APOO: variants seen among roughly 807,000 people sequenced by gnomAD.
APOO encodes MICOS complex subunit MIC26.
APOO carries 11 observed loss-of-function variants against 23.1 expected under a neutral mutation model. That is an observed-to-expected ratio of 0.48 (90% CI 0.30 to 0.79). The LOEUF (loss-of-function observed/expected upper bound fraction) is 0.79, where lower values mean the gene tolerates loss of function less well. Among genes scored for constraint, APOO ranks in the 30% least tolerant of loss-of-function variants. The pLI, the probability that APOO is intolerant of heterozygous loss-of-function variation, is 0.07. For synonymous variants in APOO, 59 were observed against 54.8 expected, an observed-to-expected ratio of 1.08 and a Z score of -0.34; for missense variants, 160 against 142.7, an observed-to-expected ratio of 1.12 and a Z score of -0.62.
intron 8 of APOO, among the ~76,000 whole-genome samples, chrX:23,839,085 A>G (rs751252060): frequency 3.8e-4 from 43 of 111,966 alleles, no homozygotes; most frequent in Admixed American, 9.5e-4. Context: ...CATCCCATGC[A>G]TATCTGGCCC....
intron 1 of APOO, among the ~76,000 whole-genome samples, chrX:23,893,705 A>G (rs1926773527): frequency 4.5e-5 from 5 of 110,688 alleles, no homozygotes; most frequent in Admixed American, 1.9e-4. Context: ...AGTAGCTGGA[A>G]TAATAGGTGC....
At chrX:23,895,093 C>T (rs982470683) in intron 1 of APOO, among the ~76,000 whole-genome samples, 1 of 108,968 alleles carries the variant, frequency 9.2e-6, no homozygotes, top group Non-Finnish European at 1.9e-5. Context: ...GGGCCGAGAT[C>T]GCACCACTGC....
rs141648475 is a variant in APOO at position 23,842,870 on chromosome X, T to C, written c.562-2493A>G. Among the ~76,000 whole-genome samples the C allele has an allele frequency of 4.5e-5, 5 of 111,415 alleles. No homozygotes were observed. In the East Asian group the frequency reaches 1.4e-3, roughly 32 times the overall value. On this transcript the variant is annotated intron_variant, in intron 7 of 8. Coordinates refer to ENST00000379226, the MANE Select transcript of APOO (RefSeq NM_024122.5). Reference sequence around the variant, plus strand: ...CTAAAAATACAAAATTAGCAGGGCATGGTGGCGCATGCCTGTAATCCCAGC... The same window carrying C: ...CTAAAAATACAAAATTAGCAGGGCACGGTGGCGCATGCCTGTAATCCCAGC...
chrX:23,861,468 T>C (rs1925025047), intron 5 of APOO, among the ~76,000 whole-genome samples: 2 of 103,193 alleles, frequency 1.9e-5, no homozygotes. Context: ...GTGAGCCAAC[T>C]AAACCTCTTT....
At chrX:23,839,150 G>A (rs946721877) in intron 8 of APOO, among the ~76,000 whole-genome samples, 2 of 111,791 alleles carry the variant, frequency 1.8e-5, no homozygotes, top group Admixed American at 9.6e-5. Context: ...CAAGCTCCCC[G>A]GGTAATAGTT....
intron 1 of APOO, among the ~76,000 whole-genome samples, chrX:23,888,780 G>A (rs763302453): frequency 1.0e-3 from 106 of 105,174 alleles, no homozygotes; most frequent in Non-Finnish European, 1.5e-3. Flanking sequence ...AACCTGGAAG[G>A]TGGAGGTTGC....
intron 4 of APOO, among the ~76,000 whole-genome samples, chrX:23,871,741 G>A (rs766323271): frequency 8.9e-5 from 10 of 111,834 alleles, no homozygotes; most frequent in African/African-American, 2.9e-4. Flanking sequence ...TATATTACAC[G>A]CATCTCAGTG....
At chrX:23,901,819 TA>T (rs971456579) in intron 1 of APOO, among the ~76,000 whole-genome samples, 1 of 112,374 alleles carries the variant, frequency 8.9e-6, no homozygotes, top group African/African-American at 3.2e-5. Flanking sequence ...ATCCTTGTTT[TA>T]CAAATGAGGA....
At chrX:23,896,624 G>C (rs1293352337) in intron 1 of APOO, among the ~76,000 whole-genome samples, 1 of 110,964 alleles carries the variant, frequency 9.0e-6, no homozygotes, top group Non-Finnish European at 1.9e-5. Context: ...CAATCATTTC[G>C]ATCTGTTTCA....
intron 1 of APOO, among the ~76,000 whole-genome samples, chrX:23,890,249 G>C (rs1184829286): frequency 8.9e-6 from 1 of 111,764 alleles, no homozygotes; most frequent in Non-Finnish European, 1.9e-5. Flanking sequence ...TTACATTCAA[G>C]AAAATCTCTC....
chrX:23,854,874 T>C (rs6526352), intron 7 of APOO, among the ~76,000 whole-genome samples: 52,217 of 108,257 alleles, frequency 0.48, 11,733 homozygotes, highest in African/African-American at 0.86. Flanking sequence ...ATAGAAAATA[T>C]CAGAGAAATA....
At chrX:23,897,528 G>A (rs1425505194) in intron 1 of APOO, among the ~76,000 whole-genome samples, 2 of 111,652 alleles carry the variant, frequency 1.8e-5, no homozygotes, top group African/African-American at 6.5e-5. Flanking sequence ...TTCTCTATTA[G>A]AATGGCATCC....
chrX:23,879,265 G>C (rs1010813868), intron 2 of APOO, among the ~76,000 whole-genome samples: 8 of 111,222 alleles, frequency 7.2e-5, no homozygotes, highest in African/African-American at 2.6e-4. Flanking sequence ...GCGAAACCCA[G>C]TCTCTACTAA....
At chrX:23,903,015 C>T (rs1056318007) in intron 1 of APOO, among the ~76,000 whole-genome samples, 16 of 111,839 alleles carry the variant, frequency 1.4e-4, no homozygotes, top group African/African-American at 2.6e-4. Flanking sequence ...ATTCATCTAC[C>T]GATTGGCTTC....
rs763360978 is a variant in APOO at position 23,892,088 on chromosome X, A to AT, written c.10-11137dup. ...CTTTAATGATAAAGAATGAAAATAA[A>AT]TTTTTTTTTTTTTGAGACAGAGTTT... On this transcript the variant is annotated intron_variant, in intron 1 of 8. Transcript: ENST00000379226. Among the ~76,000 whole-genome samples, 128 of 104,349 alleles carry AT rather than the reference A, an allele frequency of 1.2e-3. 1 individual carries two copies. Among genetic ancestry groups the AT allele is most frequent in the East Asian group, 1.2e-3 (4 of 3,403 alleles). The allele number at this position is 104,349 out of a possible 115,157, so 90.6% of individuals were successfully genotyped here.
chrX:23,888,849 CAAAAA>C (rs11338273), intron 1 of APOO, among the ~76,000 whole-genome samples: 1 of 41,284 alleles, frequency 2.4e-5, no homozygotes. Flanking sequence ...GATTTCATCT[CAAAAA>C]AAAAAAAAAA....
chrX:23,871,500 A>C (rs752384288), intron 4 of APOO, among the ~76,000 whole-genome samples: 35 of 111,603 alleles, frequency 3.1e-4, no homozygotes, highest in Non-Finnish European at 9.4e-5. Context: ...CAAACATCCA[A>C]TACCAAGTCA....
intron 1 of APOO, among the ~76,000 whole-genome samples, chrX:23,889,707 G>A (rs1926546615): frequency 1.0e-5 from 1 of 96,944 alleles, no homozygotes; most frequent in Non-Finnish European, 2.0e-5. Flanking sequence ...CTGTCGCCCA[G>A]GCTGGAGTGC....
Position 23,865,187 on chromosome X carries a change from G to T in APOO, c.388+3406C>A, listed in dbSNP as rs370634578. 1.3e-4 allele frequency among the ~76,000 whole-genome samples: 14 copies of T among 111,165 alleles called. No individual in the cohort carries two copies. The East Asian group carries it at 2.8e-3, about 22-fold the overall frequency. ...CAACAACCACGTGTCATCTTGGAGT[G>T]GTCTGGCTGGGCCCACTTCCTCTGA... On this transcript the variant is annotated intron_variant, in intron 5 of 8. Transcript: ENST00000379226.
Sources: allele counts gnomAD v4.1 joint callset (sites outside exome capture counted in the v4.1 genomes callset), GRCh38; gene constraint gnomAD v4.1.1; transcripts MANE v1.5; gene names NCBI Gene and HGNC (gene_info 2026-07-23, HGNC 2026-07-21).